Variants in GRM1 observed in about 807,000 individuals in gnomAD.
GRM1 encodes the protein glutamate metabotropic receptor 1.
In GRM1, 33 loss-of-function variants were observed where a neutral mutation model predicts 90.9. That is an observed-to-expected ratio of 0.36 (90% CI 0.28 to 0.49). GRM1 has a LOEUF of 0.49. Among genes scored for constraint, GRM1 ranks in the 20% least tolerant of loss-of-function variants. The probability of loss-of-function intolerance (pLI) is 0.99; values close to 1 mark genes in which losing one functional copy is unlikely to be tolerated. For missense variants in GRM1, 1,190 were observed against 1,534.3 expected (o/e 0.78, Z 3.75); for synonymous variants, 700 against 613.2 (o/e 1.14, Z -2.09).
intron 2 of GRM1, among the ~76,000 whole-genome samples, chr6:146,208,007 C>T (rs1433951696): frequency 1.3e-5 from 2 of 152,168 alleles, no homozygotes; most frequent in African/African-American, 4.8e-5. Flanking sequence ...ACCTCTTTCT[C>T]TCTTTCATAC....
Position 146,032,434 on chromosome 6 carries a change from A to C in GRM1, c.700+2217A>C, listed in dbSNP as rs138174726. Among the ~76,000 whole-genome samples the C allele has an allele frequency of 4.0e-3, 613 of 152,324 alleles. 18 individuals carry two copies. The East Asian group carries it at 0.071, about 18-fold the overall frequency. The stretch of plus-strand genomic sequence containing the variant: ...TGCATTTCTTTCCTTCTATCTGGAA[A>C]GGAATTTTGTGTAAGGTCCCACTGA... On this transcript the variant is annotated intron_variant, in intron 1 of 7. Transcript: ENST00000282753.
At chr6:146,255,339 C>T (rs995439074) in intron 2 of GRM1, among the ~76,000 whole-genome samples, 4 of 152,126 alleles carry the variant, frequency 2.6e-5, no homozygotes, top group African/African-American at 4.8e-5. Flanking sequence ...CATTATTAGA[C>T]TCATAATACA....
intron 2 of GRM1, among the ~76,000 whole-genome samples, chr6:146,183,155 A>G (rs537509795): frequency 8.9e-4 from 136 of 152,208 alleles, no homozygotes; most frequent in African/African-American, 3.2e-3. Context: ...CATATCATCT[A>G]TCGTCTAGTC....
At chr6:146,328,855 T>C (rs749813563) in intron 3 of GRM1, among the ~76,000 whole-genome samples, 15 of 152,164 alleles carry the variant, frequency 9.9e-5, no homozygotes, top group Non-Finnish European at 2.1e-4. Context: ...CTTCATTTGA[T>C]CCTTACCTAA....
At chr6:146,305,784 A>T (rs554462284) in intron 3 of GRM1, among the ~76,000 whole-genome samples, 1 of 152,306 alleles carries the variant, frequency 6.6e-6, no homozygotes, top group South Asian at 2.1e-4. Context: ...TATTACGCCC[A>T]TGTATAAAAC....
chr6:146,400,029 A>G (rs1426452469), intron 7 of GRM1, among the ~76,000 whole-genome samples: 1 of 152,188 alleles, frequency 6.6e-6, no homozygotes, highest in East Asian at 1.9e-4. Flanking sequence ...ACCTCCTTCT[A>G]TGGAGCATCA....
At chr6:146,324,553 A>G (rs914575586) in intron 3 of GRM1, among the ~76,000 whole-genome samples, 1 of 152,172 alleles carries the variant, frequency 6.6e-6, no homozygotes, top group Non-Finnish European at 1.5e-5. Flanking sequence ...CCCTGGTGGT[A>G]TGGGCATCTG....
chr6:146,204,326 C>T (rs1314086883), intron 2 of GRM1, among the ~76,000 whole-genome samples: 2 of 152,276 alleles, frequency 1.3e-5, no homozygotes, highest in East Asian at 3.9e-4. Flanking sequence ...GCCAATTTAC[C>T]CTAATTTCCT....
At chr6:146,312,349 C>CAAAAAA (rs1166008558) in intron 3 of GRM1, among the ~76,000 whole-genome samples, 250 of 21,320 alleles carry the variant, frequency 0.012, 19 homozygotes, top group East Asian at 0.019. Context: ...AACTCCGTCT[C>CAAAAAA]AAAAAAAAAA....
intron 2 of GRM1, among the ~76,000 whole-genome samples, chr6:146,216,320 T>TTTCA (rs1455062842): frequency 1.3e-5 from 2 of 152,224 alleles, no homozygotes; most frequent in African/African-American, 2.4e-5. Flanking sequence ...TGCTTTTTTC[T>TTTCA]TTCATTTAAA....
intron 5 of GRM1, among the ~76,000 whole-genome samples, chr6:146,384,786 G>T (rs1421542551): frequency 6.6e-6 from 1 of 151,720 alleles, no homozygotes; most frequent in Non-Finnish European, 1.5e-5. Context: ...ATAAAAAGAA[G>T]AAAAATGACA....
At chr6:146,264,542 G>A (rs1244248312) in intron 2 of GRM1, among the ~76,000 whole-genome samples, 2 of 151,484 alleles carry the variant, frequency 1.3e-5, no homozygotes, top group Admixed American at 1.3e-4. Flanking sequence ...TTTAGATTCG[G>A]GGGTTACATG....
chr6:146,046,549 G>GGT (rs1791337900), intron 1 of GRM1, among the ~76,000 whole-genome samples: 1 of 151,874 alleles, frequency 6.6e-6, no homozygotes, highest in Non-Finnish European at 1.5e-5. Context: ...ACTCTTTGTA[G>GGT]GTGGGCTTGA....
chr6:146,279,865 G>A (rs952875677), intron 2 of GRM1, among the ~76,000 whole-genome samples: 9 of 151,658 alleles, frequency 5.9e-5, no homozygotes, highest in African/African-American at 2.2e-4. Flanking sequence ...CTATGACAAG[G>A]GCGTGATAAT....
intron 1 of GRM1, among the ~76,000 whole-genome samples, chr6:146,154,943 C>T (rs1202101122): frequency 6.6e-6 from 1 of 152,126 alleles, no homozygotes; most frequent in East Asian, 1.9e-4. Flanking sequence ...ATAGCAAATA[C>T]TGTTCAGTGA....
chr6:146,328,003 A>T (rs1784453549), intron 3 of GRM1, among the ~76,000 whole-genome samples: 1 of 152,146 alleles, frequency 6.6e-6, no homozygotes, highest in African/African-American at 2.4e-5. Context: ...AGATTGTAGG[A>T]TAGCTGCCTG....
At chr6:146,112,531 A>G (rs1352833226) in intron 1 of GRM1, among the ~76,000 whole-genome samples, 1 of 152,098 alleles carries the variant, frequency 6.6e-6, no homozygotes, top group East Asian at 1.9e-4. Context: ...TTTCTCTCTG[A>G]CAGAATAGAG....
At chr6:146,096,248 A>C (rs546029944) in intron 1 of GRM1, among the ~76,000 whole-genome samples, 21 of 152,184 alleles carry the variant, frequency 1.4e-4, no homozygotes, top group Non-Finnish European at 2.5e-4. Context: ...GGAAGTATGC[A>C]TATGTCTGTG....
chr6:146,054,853 G>T (rs941998363), intron 1 of GRM1, among the ~76,000 whole-genome samples: 3 of 152,020 alleles, frequency 2.0e-5, no homozygotes, highest in Non-Finnish European at 2.9e-5. Context: ...TAAGGAGAGG[G>T]AAGTCTGTGT....
Sources: allele counts gnomAD v4.1 joint callset (sites outside exome capture counted in the v4.1 genomes callset), GRCh38; gene constraint gnomAD v4.1.1; transcripts MANE v1.5; gene names NCBI Gene and HGNC (gene_info 2026-07-23, HGNC 2026-07-21).